SLC49A3: variants seen among roughly 807,000 people sequenced by gnomAD.
The protein encoded by SLC49A3 is solute carrier family 49 member A3.
Under a neutral mutation model 43.8 loss-of-function variants are expected in SLC49A3, and 50 were observed. The ratio of observed to expected loss-of-function variants is 1.14; its 90% CI spans 0.91 to 1.45. The LOEUF is 1.45. Among genes scored for constraint, SLC49A3 ranks in the 40% most tolerant of loss-of-function variants. The pLI is 0.00. For synonymous variants in SLC49A3, 413 were observed against 352.0 expected (o/e 1.17, Z -1.94); for missense variants, 906 against 774.1 (o/e 1.17, Z -2.02).
At chr4:680,358 AGGAG>A, downstream of SLC49A3, 1 of 840,660 alleles carries the variant, frequency 1.2e-6, no homozygotes, top group Non-Finnish European at 1.9e-6. Context: ...GGCTCAGGAA[AGGAG>A]AAGGCCTTCA....
chr4:677,958 CAA>C, downstream of SLC49A3: 3 of 1,612,772 alleles, frequency 1.9e-6, no homozygotes, highest in South Asian at 3.3e-5. Flanking sequence ...CCTGGGGGAC[CAA>C]GCAGGAGCTT....
At chr4:680,716 T>G, downstream of SLC49A3, 2 of 949,084 alleles carry the variant, frequency 2.1e-6, no homozygotes, top group Non-Finnish European at 3.2e-6. Context: ...TTCAGGGCCA[T>G]GAGGAGCGAA....
At position 681,973 on chromosome 4, in the gene SLC49A3, C is replaced by CGGGGAGGAG. The variant is rs750358529; in HGVS notation, c.1656_1664dup (p.Ser553_Pro555dup). 1 of 1,396,034 alleles carries CGGGGAGGAG rather than the reference C, an allele frequency of 7.2e-7. No individual in the cohort carries two copies. The highest frequency in any genetic ancestry group is 1.7e-5 in the South Asian group (1 of 60,154). 86.5% of individuals were successfully genotyped at this position (1,396,034 alleles called of 1,614,324 possible). A position where few individuals can be genotyped will look rare whatever the true frequency, so the allele number is the denominator to read the frequency against. On this transcript the variant is annotated inframe_insertion, in exon 10 of 10. Coordinates refer to ENST00000322224, the MANE Select transcript of SLC49A3 (RefSeq NM_032219.4). ...AGGCGCTCAGCTACGTGATCACCCA[C>CGGGGAGGAG]GGGGAGGAGAAGGAGGAGTGAGACC...
Position 682,827 on chromosome 4 carries a change from CG to C in SLC49A3, c.1214del (p.Pro405ArgfsTer21). On this transcript the variant is annotated frameshift_variant, in exon 9 of 10. Transcript: ENST00000322224. LOFTEE classifies it low-confidence loss of function (END_TRUNC). Reference protein sequence around the residue: ...MTALTVRRSEPSLSTCQQGED... With the variant: ...MTALTVRRSEXSLSTCQQGED... ...CCCCCTGCTGGCAGGTGGACAAGGA[CG>C]GCTCCGAGCGTCGCACAGTCAGTGC... The C allele has an allele frequency of 6.2e-7, 1 of 1,604,538 alleles. No individual in the cohort carries two copies. Among genetic ancestry groups the C allele is most frequent in the Non-Finnish European group, 8.5e-7 (1 of 1,174,554 alleles).
At chr4:678,684 A>G, downstream of SLC49A3, 1 of 1,611,030 alleles carries the variant, frequency 6.2e-7, no homozygotes, top group Non-Finnish European at 8.5e-7. Context: ...AGAAGAAGGA[A>G]GGGGGTGCCC....
At chr4:678,202 G>A, downstream of SLC49A3, 1 of 1,518,152 alleles carries the variant, frequency 6.6e-7, no homozygotes, top group Non-Finnish European at 8.9e-7. Flanking sequence ...GTGCGTGTGT[G>A]TGACCTTGCG....
At chr4:680,046 C>T (rs1183838595), downstream of SLC49A3, 6 of 1,540,430 alleles carry the variant, frequency 3.9e-6, no homozygotes, top group Admixed American at 5.6e-5. Flanking sequence ...AGGCCTGGCC[C>T]TCCTAGCTAA....
chr4:678,276 G>T, downstream of SLC49A3: 6 of 1,455,204 alleles, frequency 4.1e-6, no homozygotes, highest in Non-Finnish European at 5.5e-6. Flanking sequence ...TGAGAGTCCG[G>T]AGCAGGATGA....
chr4:683,807 T>C, intron 6 of SLC49A3, 46 bp from the exon 7 acceptor site: 2 of 1,529,420 alleles, frequency 1.3e-6, no homozygotes, highest in Non-Finnish European at 8.8e-7. Flanking sequence ...GCCACCATTA[T>C]CCTAGGTGCA....
At chr4:689,709 C>G (rs1741708448), upstream of SLC49A3, among the ~76,000 whole-genome samples, 1 of 152,272 alleles carries the variant, frequency 6.6e-6, no homozygotes, top group Admixed American at 6.5e-5. Flanking sequence ...GGGCCCCACC[C>G]TGGGGTAGGC....
At chr4:678,884 G>C, downstream of SLC49A3, 1 of 1,609,638 alleles carries the variant, frequency 6.2e-7, no homozygotes, top group Non-Finnish European at 8.5e-7. Flanking sequence ...CAGGGGTGCT[G>C]AGGAACCGGG....
Position 685,143 on chromosome 4 carries a change from A to G in SLC49A3, c.586-287T>C. The G allele has an allele frequency of 2.2e-5, 11 of 503,160 alleles. No homozygotes were observed. In the South Asian group the frequency reaches 2.7e-4, roughly 12 times the overall value. 31.2% of individuals were successfully genotyped at this position (503,160 alleles called of 1,614,324 possible). ...AGACTTACATCTCACTGCCAGCTGC[A>G]CAGCCCATGATAGGGCTCAACACAC... On this transcript the variant is annotated intron_variant, in intron 4 of 9. Transcript: ENST00000322224. The surrounding 1 kb of genome is among the most constrained non-coding windows in gnomAD (Gnocchi z 4.3).
In SLC49A3 at chr4:688,813, C is replaced by T. The variant is rs528022190; in HGVS notation, c.135+180G>A. On this transcript the variant is annotated intron_variant, in intron 1 of 9. Transcript: ENST00000322224. The stretch of plus-strand genomic sequence containing the variant: ...ACCCAGCCCTGCTCTGTGCCCTGGG[C>T]CCAGCCACCTCCAGGACAGACAGTG... 92 of 1,046,420 alleles carry T rather than the reference C, an allele frequency of 8.8e-5. No homozygotes were observed. In the Middle Eastern group the frequency reaches 1.3e-3, roughly 15 times the overall value. The allele number at this position is 1,046,420 out of a possible 1,614,324, so 64.8% of individuals were successfully genotyped here. A position where few individuals can be genotyped will look rare whatever the true frequency, so the allele number is the denominator to read the frequency against.
Position 686,322 on chromosome 4 carries a change from G to T in SLC49A3, c.295-20C>A. 1.2e-6 allele frequency: 2 copies of T among 1,611,632 alleles called. No individual in the cohort carries two copies. Among genetic ancestry groups the T allele is most frequent in the African/African-American group, 1.3e-5 (1 of 75,042 alleles). ...GATGGTCTGCGAGGAGGGGGTCGGG[G>T]ACCGGGTCAGGAACGCTGCCACCAG... is the stretch of plus-strand genomic sequence containing the variant. On this transcript the variant is annotated intron_variant, in intron 2 of 9. Coordinates refer to ENST00000322224, the MANE Select transcript of SLC49A3 (RefSeq NM_032219.4).
downstream of SLC49A3, chr4:681,824 G>T (rs965336447): frequency 1.7e-5 from 22 of 1,269,858 alleles, no homozygotes; most frequent in Middle Eastern, 6.0e-4. Flanking sequence ...CACACCCGGG[G>T]CCGCTGCAGG....
chr4:680,626 G>A (rs753894801), downstream of SLC49A3: 7 of 1,593,890 alleles, frequency 4.4e-6, no homozygotes, highest in Admixed American at 5.1e-5. Context: ...GGCTTCCGGG[G>A]AACCCCAGTG....
At chr4:681,075 C>G (rs1225972336), downstream of SLC49A3, 2 of 1,592,232 alleles carry the variant, frequency 1.3e-6, no homozygotes, top group Non-Finnish European at 1.7e-6. Flanking sequence ...CGCGCTGACC[C>G]CTTTCCTCGT....
downstream of SLC49A3, chr4:679,985 A>G: frequency 1.2e-6 from 2 of 1,613,344 alleles, no homozygotes; most frequent in South Asian, 1.1e-5. Context: ...CAACTTCACC[A>G]TGTTTCTGAA....
At position 685,540 on chromosome 4, in the gene SLC49A3, A is replaced by G. The variant is rs1740824274; in HGVS notation, c.585+295T>C. On this transcript the variant is annotated intron_variant, in intron 4 of 9. Coordinates refer to ENST00000322224, the MANE Select transcript of SLC49A3 (RefSeq NM_032219.4). This position sits in a 1 kb window ranked among gnomAD's most constrained non-coding sequence, Gnocchi z 4.3. ...TGGTGAAACCCCAACTCTACCAAAA[A>G]TACAAAAAAAAAAAAATTAGCCAAG... is the stretch of plus-strand genomic sequence containing the variant. 6.6e-6 allele frequency among the ~76,000 whole-genome samples: 1 copy of G among 151,740 alleles called. No homozygotes were observed. Among genetic ancestry groups the G allele is most frequent in the African/African-American group, 2.4e-5 (1 of 41,262 alleles).
Sources: gnomAD v4.1 joint callset for allele counts (sites outside exome capture counted in the v4.1 genomes callset) on GRCh38, gnomAD v4.1.1 for gene constraint, Gnocchi (gnomAD v3.1) non-coding constraint, MANE v1.5 for transcripts, NCBI Gene and HGNC (gene_info 2026-07-23, HGNC 2026-07-21) for gene names.